The following OSBPL7 variants were observed in gnomAD, a reference collection of about 807,000 sequenced individuals.
The protein encoded by OSBPL7 is oxysterol-binding protein-related protein 7.
In OSBPL7, 66 loss-of-function variants were observed where a neutral mutation model predicts 115.8. The ratio of observed to expected loss-of-function variants is 0.57; its 90% confidence interval spans 0.47 to 0.70. OSBPL7 has a LOEUF of 0.70. Ranked by LOEUF, OSBPL7 falls within the 30% of genes least tolerant of loss-of-function variation. The pLI is 0.00. For missense variants in OSBPL7, 902 were observed against 1,125.5 expected (o/e 0.80, Z 2.84); for synonymous variants, 441 against 439.2 (o/e 1.00, Z -0.05).
At chr17:47,818,731 T>C in intron 5 of OSBPL7, 115 bp from the exon 6 acceptor site, 1 of 966,682 alleles carries the variant, frequency 1.0e-6, no homozygotes, top group Non-Finnish European at 1.5e-6. Context: ...CAGAGCCTGG[T>C]TTGTGCAAGG....
chr17:47,808,714 C>A lies in OSBPL7; in HGVS notation c.2298-54G>T, dbSNP rs2032936989. 2 of 1,610,254 alleles carry A rather than the reference C, an allele frequency of 1.2e-6. No individual in the cohort carries two copies. Among genetic ancestry groups the A allele is most frequent in the East Asian group, 4.5e-5 (2 of 44,856 alleles). ...CTGCCCATCTGCAGGGGCCCCCAAA[C>A]CCAAGGCCTCTGTCTCTGCCCAACT... On this transcript the variant is annotated intron_variant, in intron 21 of 22. Transcript: ENST00000007414. This position sits in a 1 kb window ranked among gnomAD's most constrained non-coding sequence, Gnocchi z 6.1.
chr17:47,808,505 G>A lies in OSBPL7; in HGVS notation c.2420+33C>T, dbSNP rs759432262. 1 of 1,614,108 alleles carries A rather than the reference G, an allele frequency of 6.2e-7. No individual in the cohort carries two copies. The highest frequency in any genetic ancestry group is 1.1e-5 in the South Asian group (1 of 91,074). On this transcript the variant is annotated intron_variant, in intron 22 of 22. Coordinates refer to ENST00000007414, the MANE Select transcript of OSBPL7 (RefSeq NM_145798.3). The surrounding 1 kb of genome is among the most constrained non-coding windows in gnomAD (Gnocchi z 6.1). ...GCCCTGCTCCAAGCAGGGCTCATGGGGAGACCCAGGGCGGAGGGCGAGGCC... is the reference window on the plus strand; with the variant it reads ...GCCCTGCTCCAAGCAGGGCTCATGGAGAGACCCAGGGCGGAGGGCGAGGCC...
In OSBPL7 at chr17:47,809,200, A is replaced by T. The variant is rs1233186908; in HGVS notation, c.2046T>A (p.Asn682Lys). Reference sequence around the variant, plus strand: ...GCACAGCGCCCTGCACCTCGTGGACATTGGAACTCCAGTACTTGGCCTGGG... The same window carrying T: ...GCACAGCGCCCTGCACCTCGTGGACTTTGGAACTCCAGTACTTGGCCTGGG... ...TFCKAKYWSS[N>K]VHEVQGAVLS... The change falls in exon 20 of 23, where the codon AAT (asparagine) becomes AAA (lysine). Residue 682 changes from asparagine (N) to lysine (K), a missense_variant. Coordinates refer to ENST00000007414, the MANE Select transcript of OSBPL7 (RefSeq NM_145798.3). 1 of 1,613,998 alleles carries T rather than the reference A, an allele frequency of 6.2e-7. No individual in the cohort carries two copies. Among genetic ancestry groups the T allele is most frequent in the Non-Finnish European group, 8.5e-7 (1 of 1,180,016 alleles).
At chr17:47,815,538 C>T (rs1261079031) in intron 12 of OSBPL7, 186 bp from the exon 13 acceptor site, 5 of 704,126 alleles carry the variant, frequency 7.1e-6, no homozygotes, top group East Asian at 2.7e-5. Context: ...TAAAATGAGC[C>T]CTGGCCTGGG....
Position 47,813,788 on chromosome 17 carries a change from G to A in OSBPL7, c.1398C>T (p.Cys466=), listed in dbSNP as rs2033124352. The A allele has an allele frequency of 1.2e-6, 2 of 1,612,618 alleles. No individual in the cohort carries two copies. The highest frequency in any genetic ancestry group is 1.1e-5 in the South Asian group (1 of 91,042). The change falls in exon 15 of 23, where the codon TGC becomes TGT. Residue 466 remains cysteine, a synonymous_variant. Coordinates refer to ENST00000007414, the MANE Select transcript of OSBPL7 (RefSeq NM_145798.3). ...CCCCAGGCCCGCTGGCCGCCGGCAG[G>A]CAGCGACGGCGGGGTGGCCCCATGG... is the stretch of plus-strand genomic sequence containing the variant. ...GRPMGPPRRR[C]LPAASGPGAD...
rs1259167085 is a variant in OSBPL7 at position 47,818,450 on chromosome 17, T to C, written c.480+56A>G. 2.5e-6 allele frequency: 4 copies of C among 1,591,126 alleles called. No individual in the cohort carries two copies. The African/African-American group carries it at 5.4e-5, about 21-fold the overall frequency. ...CCTCCCTGGGTCTCACAGTTCTCCATAGCCCTTGCCCCTGAATTGCCACAT... is the reference window on the plus strand; with the variant it reads ...CCTCCCTGGGTCTCACAGTTCTCCACAGCCCTTGCCCCTGAATTGCCACAT... On this transcript the variant is annotated intron_variant, in intron 6 of 22. Coordinates refer to ENST00000007414, the MANE Select transcript of OSBPL7 (RefSeq NM_145798.3).
chr17:47,818,749 G>T (rs138025855), intron 5 of OSBPL7, 133 bp from the exon 6 acceptor site: 2 of 876,716 alleles, frequency 2.3e-6, no homozygotes, highest in Non-Finnish European at 3.5e-6. Flanking sequence ...AGGCTCACTT[G>T]CAGGGAGACA....
chr17:47,811,389 C>T (rs575042324), intron 16 of OSBPL7, among the ~76,000 whole-genome samples: 170 of 151,960 alleles, frequency 1.1e-3, no homozygotes, highest in Non-Finnish European at 1.7e-3. Flanking sequence ...ACCAGGTCCC[C>T]GACTGCACTG....
rs1419740562 is a variant in OSBPL7 at position 47,820,095 on chromosome 17, G to T, written c.77C>A (p.Ala26Asp). The T allele has an allele frequency of 6.2e-7, 1 of 1,612,730 alleles. No homozygotes were observed. Among genetic ancestry groups the T allele is most frequent in the Non-Finnish European group, 8.5e-7 (1 of 1,179,948 alleles). ...QSSKPSSAQQASELWEVVEEP... is the reference protein window; with the variant it reads ...QSSKPSSAQQDSELWEVVEEP... ...CTCCACCACCTCCCACAGCTCAGAG[G>T]CCTGCAGTCCAGGACAGAGGGAGGG... is the stretch of plus-strand genomic sequence containing the variant. Residue 26 changes from alanine (A) to aspartate (D), a missense_variant and splice_region_variant, in exon 3 of 23, where the codon GCC becomes GAC. Transcript: ENST00000007414.
At chr17:47,821,173 C>T (rs2033383318) in intron 1 of OSBPL7, among the ~76,000 whole-genome samples, 1 of 152,070 alleles carries the variant, frequency 6.6e-6, no homozygotes, top group Non-Finnish European at 1.5e-5. Flanking sequence ...TGGCCCTGGC[C>T]ATCCTGGCTC....
rs780040032 is a variant in OSBPL7, at chr17:47,808,876, C to T, written c.2285G>A (p.Arg762Gln). 3.1e-6 allele frequency: 5 copies of T among 1,614,236 alleles called. No homozygotes were observed. Among genetic ancestry groups the T allele is most frequent in the African/African-American group, 1.3e-5 (1 of 75,050 alleles). Residue 762 changes from arginine (R) to glutamine (Q), a missense_variant, in exon 21 of 23, where the codon CGG becomes CAG. Arg to Gln is a conservative substitution (Grantham distance 43, BLOSUM62 1). Around this residue, in one of 3 missense-constraint regions of OSBPL7, gnomAD observed 230 missense variants for 312.7 expected, o/e 0.74. Transcript: ENST00000007414. This position sits in a 1 kb window ranked among gnomAD's most constrained non-coding sequence, Gnocchi z 6.1. ...RSLPSTDTRL[R>Q]PDQRYLEEGN... The stretch of plus-strand genomic sequence containing the variant: ...ATCCGGCACTGACCTCTGGTCTGGC[C>T]GGAGTCTCGTGTCGGTGGAAGGCAG...
At position 47,808,564 on chromosome 17, in the gene OSBPL7, G is replaced by A; in HGVS notation, c.2394C>T (p.Asn798=). The A allele has an allele frequency of 6.2e-7, 1 of 1,614,236 alleles. No homozygotes were observed. The highest frequency in any genetic ancestry group is 1.3e-5 in the African/African-American group (1 of 75,070). ...RDRRKVMEEN[N]IVHQARFFRR... is the part of the protein sequence containing the mutation. ...TGAAGAAGCGAGCCTGGTGTACGATGTTGTTTTCCTCCATGACTTTGCGCC... is the reference window on the plus strand; with the variant it reads ...TGAAGAAGCGAGCCTGGTGTACGATATTGTTTTCCTCCATGACTTTGCGCC... Residue 798 remains asparagine, a synonymous_variant, in exon 22 of 23, where the codon AAC becomes AAT. Transcript: ENST00000007414. The surrounding 1 kb of genome is among the most constrained non-coding windows in gnomAD (Gnocchi z 6.1).
intron 7 of OSBPL7, among the ~76,000 whole-genome samples, 177 bp from the exon 8 acceptor site, chr17:47,817,536 C>T (rs554488727): frequency 6.6e-6 from 1 of 152,040 alleles, no homozygotes; most frequent in Non-Finnish European, 1.5e-5. Context: ...ATTACAGGTG[C>T]GCACCACCAT....
intron 12 of OSBPL7, chr17:47,815,827 G>C (rs943641780): frequency 4.4e-5 from 17 of 387,844 alleles, no homozygotes; most frequent in African/African-American, 2.9e-4. Context: ...GCAGGAGCCT[G>C]AGCCCACCCA....
intron 16 of OSBPL7, among the ~76,000 whole-genome samples, chr17:47,812,441 T>C (rs542335078): frequency 4.7e-4 from 72 of 152,312 alleles, no homozygotes; most frequent in African/African-American, 1.7e-3. Flanking sequence ...GGCCAGCGAC[T>C]CCAGAGCCTC....
At chr17:47,811,829 T>G (rs1430150703) in intron 16 of OSBPL7, among the ~76,000 whole-genome samples, 1 of 152,362 alleles carries the variant, frequency 6.6e-6, no homozygotes, top group African/African-American at 2.4e-5. Context: ...AAAGATTGTC[T>G]GTTTCTTCCA....
At position 47,808,236 on chromosome 17, in the gene OSBPL7, G is replaced by A; in HGVS notation, c.*55C>T. The A allele has an allele frequency of 7.3e-7, 1 of 1,365,496 alleles. No homozygotes were observed. Among genetic ancestry groups the A allele is most frequent in the Non-Finnish European group, 1.0e-6 (1 of 963,218 alleles). 84.6% of individuals were successfully genotyped at this position (1,365,496 alleles called of 1,614,324 possible). A position where few individuals can be genotyped will look rare whatever the true frequency, so the allele number is the denominator to read the frequency against. On this transcript the variant is annotated 3_prime_UTR_variant, in exon 23 of 23. Coordinates refer to ENST00000007414, the MANE Select transcript of OSBPL7 (RefSeq NM_145798.3). The surrounding 1 kb of genome is among the most constrained non-coding windows in gnomAD (Gnocchi z 6.1). Reference sequence around the variant, plus strand: ...CGGCCTCACCCATGTGTCCATGGTAGGGGGTGGAGGCAGGAGGAGTGAGGA... The same window carrying A: ...CGGCCTCACCCATGTGTCCATGGTAAGGGGTGGAGGCAGGAGGAGTGAGGA...
Position 47,808,596 on chromosome 17 carries a change from G to T in OSBPL7, c.2362C>A (p.Arg788=), listed in dbSNP as rs770983052. The part of the protein sequence containing the change: ...AQKRRIEQLQ[R]DRRKVMEENN... ...TCCTCCATGACTTTGCGCCTGTCTC[G>T]CTGCAGCTGCTCGATCCTTCTCTTC... The change falls in exon 22 of 23, where the codon CGA becomes AGA. Residue 788 remains arginine (R), a synonymous_variant. Transcript: ENST00000007414. This position sits in a 1 kb window ranked among gnomAD's most constrained non-coding sequence, Gnocchi z 6.1. 2.5e-6 allele frequency: 4 copies of T among 1,614,070 alleles called. No homozygotes were observed. In the Admixed American group the frequency reaches 6.7e-5, roughly 27 times the overall value.
rs114413251 is a variant in OSBPL7 at position 47,810,971 on chromosome 17, T to G, written c.1738-136A>C. On this transcript the variant is annotated intron_variant, in intron 16 of 22. Transcript: ENST00000007414. ...CCAGGTTTCCTGTCCCTATCACCCT[T>G]GGCCACCTCCTAAACCCATCATCCT... 1.8e-3 allele frequency: 1,355 copies of G among 771,276 alleles called. 12 individuals are homozygous for G. In the African/African-American group the frequency reaches 0.022, roughly 13 times the overall value. The allele number at this position is 771,276 out of a possible 1,614,324, so 47.8% of individuals were successfully genotyped here.
Sources: gnomAD v4.1 joint callset for allele counts (sites outside exome capture counted in the v4.1 genomes callset) on GRCh38, gnomAD v4.1.1 for gene constraint, gnomAD v4.1.1 regional missense constraint, Gnocchi (gnomAD v3.1) non-coding constraint, MANE v1.5 for transcripts, NCBI Gene and HGNC (gene_info 2026-07-23, HGNC 2026-07-21) for gene names.